ANPEP: variants seen among roughly 807,000 people sequenced by gnomAD.
The protein encoded by ANPEP is alanyl aminopeptidase, membrane, also known as aminopeptidase N.
ANPEP carries 70 observed loss-of-function variants against 114.6 expected under a neutral mutation model. The observed-to-expected ratio is 0.61, with a 90% CI of 0.50 to 0.75. ANPEP has a LOEUF of 0.75. Among genes scored for constraint, ANPEP ranks in the 30% least tolerant of loss-of-function variants. The pLI is 0.00. For synonymous variants in ANPEP, 548 were observed against 522.3 expected (o/e 1.05, Z -0.67); for missense variants, 1,184 against 1,259.5 (o/e 0.94, Z 0.91).
chr15:89,808,528 G>A (rs1359730789), intron 1 of ANPEP, among the ~76,000 whole-genome samples: 1 of 152,250 alleles, frequency 6.6e-6, no homozygotes, highest in African/African-American at 2.4e-5. Context: ...GAAGGATTGA[G>A]TAAATGAATG....
Position 89,785,397 on chromosome 15 carries a change from C to T in ANPEP, c.2856G>A (p.Lys952=). ...ACTGGAGCACCACCTCCTTGTTCTC[C>T]TTCACCCACTTGATGTTGGCTTTCG... ...EKTKANIKWV[K]ENKEVVLQWF... The change falls in exon 21 of 21, where the codon AAG becomes AAA. Residue 952 remains lysine (K), a synonymous_variant. Coordinates refer to ENST00000300060, the MANE Select transcript of ANPEP (RefSeq NM_001150.3). 1 of 1,614,254 alleles carries T rather than the reference C, an allele frequency of 6.2e-7. No individual in the cohort carries two copies. The highest frequency in any genetic ancestry group is 1.1e-5 in the South Asian group (1 of 91,088).
At chr15:89,813,994 G>GC (rs1555442947) in intron 1 of ANPEP, among the ~76,000 whole-genome samples, 6 of 146,000 alleles carry the variant, frequency 4.1e-5, no homozygotes, top group South Asian at 2.2e-4. Flanking sequence ...GCACTGCTGG[G>GC]GGGGGGGGGT....
Position 89,799,510 on chromosome 15 carries a change from G to T in ANPEP, c.1869C>A (p.Asn623Lys). 10 of 1,614,176 alleles carry T rather than the reference G, an allele frequency of 6.2e-6. No individual in the cohort carries two copies. Among genetic ancestry groups the T allele is most frequent in the Non-Finnish European group, 8.5e-6 (10 of 1,180,030 alleles). The change falls in exon 13 of 21, where the codon AAC (asparagine) becomes AAA (lysine). Residue 623 changes from asparagine (N) to lysine (K), a missense_variant. Asn to Lys is a moderately conservative substitution (Grantham distance 94). Transcript: ENST00000300060. This position sits in a 1 kb window ranked among gnomAD's most constrained non-coding sequence, Gnocchi z 4.2. The stretch of plus-strand genomic sequence containing the variant: ...CCCGGTAATAGCCCGTCACATTGAG[G>T]TTCAGCAGGACCCACTCATTGCCTG... ...STSGNEWVLLNLNVTGYYRVN... is the reference protein window; with the variant it reads ...STSGNEWVLLKLNVTGYYRVN...
intron 6 of ANPEP, 81 bp from the exon 7 acceptor site, chr15:89,804,083 G>A: frequency 6.4e-7 from 1 of 1,563,350 alleles, no homozygotes. Context: ...CCCAGGGCTG[G>A]CCATCTGCCA....
intron 15 of ANPEP, 173 bp downstream of exon 15, chr15:89,797,402 G>T: frequency 1.1e-5 from 10 of 942,706 alleles, no homozygotes; most frequent in Non-Finnish European, 1.4e-5. Context: ...TCACCTGCGT[G>T]CTCTCAGGAG....
chr15:89,803,296 G>C lies in ANPEP; in HGVS notation c.1512C>G (p.Leu504=), dbSNP rs745963177. The C allele has an allele frequency of 6.2e-7, 1 of 1,614,146 alleles. No individual in the cohort carries two copies. Among genetic ancestry groups the C allele is most frequent in the Admixed American group, 1.7e-5 (1 of 60,028 alleles). ...DVFKQGLASY[L]HTFAYQNTIY... ...TGGTGTTCTGGTAGGCAAAGGTGTG[G>C]AGGTAGGACTGTGGAAAGACGGGGC... is the stretch of plus-strand genomic sequence containing the variant. Residue 504 remains leucine (L), a synonymous_variant, in exon 10 of 21, where the codon CTC becomes CTG. Coordinates refer to ENST00000300060, the MANE Select transcript of ANPEP (RefSeq NM_001150.3). The surrounding 1 kb of genome is among the most constrained non-coding windows in gnomAD (Gnocchi z 4.2).
At chr15:89,802,822 T>A (rs533205604) in intron 10 of ANPEP, 1 of 202,320 alleles carries the variant, frequency 4.9e-6, no homozygotes, top group African/African-American at 2.3e-5. Flanking sequence ...GCAGAGTTCC[T>A]GCTGAGGGTG....
At position 89,792,580 on chromosome 15, in the gene ANPEP, C is replaced by T. The variant is rs367857598; in HGVS notation, c.2250-18G>A. 45 of 1,607,392 alleles carry T rather than the reference C, an allele frequency of 2.8e-5. No homozygotes were observed. Among genetic ancestry groups the T allele is most frequent in the African/African-American group, 8.0e-5 (6 of 74,734 alleles). ...CGCTGTACCTGCCCCAGGGGTGACA[C>T]GCGGTTAGCACACCTGGCGAACTCC... On this transcript the variant is annotated intron_variant, in intron 16 of 20. Coordinates refer to ENST00000300060, the MANE Select transcript of ANPEP (RefSeq NM_001150.3).
At chr15:89,805,896 T>G in intron 2 of ANPEP, 74 bp downstream of exon 2, 1 of 1,528,844 alleles carries the variant, frequency 6.5e-7, no homozygotes. Context: ...GCTAAGTCCT[T>G]CCTTGGCCCT....
At chr15:89,793,662 C>T (rs993639464) in intron 15 of ANPEP, among the ~76,000 whole-genome samples, 4 of 145,544 alleles carry the variant, frequency 2.7e-5, no homozygotes, top group Non-Finnish European at 5.9e-5. Context: ...GTGATCACGC[C>T]ACTGCACTCC....
At chr15:89,801,052 G>A in intron 12 of ANPEP, 59 bp downstream of exon 12, 1 of 1,492,352 alleles carries the variant, frequency 6.7e-7, no homozygotes, top group South Asian at 1.1e-5. Flanking sequence ...CTCAGAACAT[G>A]GGCCAGGAGC....
chr15:89,799,214 T>G lies in ANPEP; in HGVS notation c.2009+46A>C. On this transcript the variant is annotated intron_variant, in intron 14 of 20. Transcript: ENST00000300060. The surrounding 1 kb of genome is among the most constrained non-coding windows in gnomAD (Gnocchi z 4.2). ...GCCCTCATTGTGGACTCAGACTTGC[T>G]GAAGTCACGAGCTTCTGCAGCTGAG... 4.4e-6 allele frequency: 7 copies of G among 1,609,178 alleles called. No homozygotes were observed. In the South Asian group the frequency reaches 7.7e-5, roughly 18 times the overall value.
chr15:89,801,181 C>T lies in ANPEP; in HGVS notation c.1749G>A (p.Val583=). ...TGATGGATGTGATGGGCACAATCCA[C>T]ACGTAGCTGCAATTAAAGATCCAGA... The part of the protein sequence containing the change: ...NVTRPSEFNY[V]WIVPITSIRD... Residue 583 remains valine (V), a synonymous_variant, in exon 12 of 21, where the codon GTG becomes GTA. Coordinates refer to ENST00000300060, the MANE Select transcript of ANPEP (RefSeq NM_001150.3). 1 of 1,614,100 alleles carries T rather than the reference C, an allele frequency of 6.2e-7. No homozygotes were observed.
chr15:89,803,690 G>T lies in ANPEP; in HGVS notation c.1394C>A (p.Pro465Gln), dbSNP rs377426081. The T allele has an allele frequency of 2.1e-5, 34 of 1,613,190 alleles. 1 individual carries two copies. The South Asian group carries it at 2.4e-4, about 11-fold the overall frequency. Residue 465 changes from proline to glutamine, a missense_variant, in exon 8 of 21, where the codon CCG (proline) becomes CAG (glutamine). Coordinates refer to ENST00000300060, the MANE Select transcript of ANPEP (RefSeq NM_001150.3). The surrounding 1 kb of genome is among the most constrained non-coding windows in gnomAD (Gnocchi z 4.2). ...GTCAAACAGCTCACTGATCTGGGCC[G>T]GCGTGTTGATCTCCGAGGCGGGTGT... ...LSTPASEINT[P>Q]AQISELFDAI... is the part of the protein sequence containing the mutation.
intron 2 of ANPEP, 98 bp from the exon 3 acceptor site, chr15:89,805,561 G>C: frequency 6.7e-7 from 1 of 1,493,222 alleles, no homozygotes; most frequent in South Asian, 1.2e-5. Context: ...GTACATGGAA[G>C]GCTGCCCCAG....
At chr15:89,810,146 G>A (rs1413721020) in intron 1 of ANPEP, among the ~76,000 whole-genome samples, 1 of 152,178 alleles carries the variant, frequency 6.6e-6, no homozygotes, top group Admixed American at 6.5e-5. Context: ...TTAGGAGGCT[G>A]AGGTGGGCAG....
intron 1 of ANPEP, among the ~76,000 whole-genome samples, chr15:89,807,873 A>G (rs1894749860): frequency 6.6e-6 from 1 of 152,078 alleles, no homozygotes; most frequent in African/African-American, 2.4e-5. Context: ...TCAGACCTCG[A>G]CACCGCCTGA....
At position 89,801,581 on chromosome 15, in the gene ANPEP, G is replaced by T; in HGVS notation, c.1596C>A (p.Leu532=). ...QEAVNNRSIQ[L]PTTVRDIMNR... ...TCATGATGTCCCGCACGGTGGTGGGGAGTTGGATGGACCGGTTGTTCACAG... is the reference window on the plus strand; with the variant it reads ...TCATGATGTCCCGCACGGTGGTGGGTAGTTGGATGGACCGGTTGTTCACAG... Residue 532 remains leucine (L), a synonymous_variant, in exon 11 of 21, where the codon CTC becomes CTA. Coordinates refer to ENST00000300060, the MANE Select transcript of ANPEP (RefSeq NM_001150.3). 6.2e-7 allele frequency: 1 copy of T among 1,614,042 alleles called. No homozygotes were observed.
At chr15:89,805,265 C>T in intron 3 of ANPEP, 48 bp from the exon 4 acceptor site, 2 of 1,613,170 alleles carry the variant, frequency 1.2e-6, no homozygotes, top group Non-Finnish European at 1.7e-6. Flanking sequence ...CTGCCCCACA[C>T]CCCAGCCCAG....
Sources: allele counts gnomAD v4.1 joint callset (sites outside exome capture counted in the v4.1 genomes callset), GRCh38; gene constraint gnomAD v4.1.1; non-coding constraint Gnocchi (gnomAD v3.1); transcripts MANE v1.5; gene names NCBI Gene and HGNC (gene_info 2026-07-23, HGNC 2026-07-21).